DISP1: variants seen among roughly 807,000 people sequenced by gnomAD.
The protein encoded by DISP1 is dispatched RND transporter family member 1, also known as protein dispatched homolog 1.
In DISP1, 30 loss-of-function variants were observed where a neutral mutation model predicts 37.3. The observed-to-expected ratio is 0.80, with a 90% CI of 0.60 to 1.09. The LOEUF (loss-of-function observed/expected upper bound fraction) is 1.09, where lower values mean the gene tolerates loss of function less well. DISP1 is among the 50% of genes least tolerant of loss of function. DISP1 has a pLI of 0.00. For missense variants in DISP1, 1,598 were observed against 1,879.5 expected, an observed-to-expected ratio of 0.85 and a Z score of 2.77; for synonymous variants, 634 against 690.2, an observed-to-expected ratio of 0.92 and a Z score of 1.28.
intron 3 of DISP1, among the ~76,000 whole-genome samples, chr1:222,960,123 G>T (rs1230742790): frequency 3.3e-5 from 5 of 152,118 alleles, no homozygotes; most frequent in Non-Finnish European, 5.9e-5. Context: ...GGATCAAGTG[G>T]ACCTATAGAC....
At chr1:222,984,948 G>A (rs1678163048) in intron 4 of DISP1, among the ~76,000 whole-genome samples, 1 of 152,092 alleles carries the variant, frequency 6.6e-6, no homozygotes, top group South Asian at 2.1e-4. Context: ...GTTCATTCAT[G>A]TAGCATGTAT....
intron 1 of DISP1, 29 bp downstream of exon 1, chr1:222,815,107 A>T (rs1408142132): frequency 6.6e-6 from 1 of 152,026 alleles, no homozygotes; most frequent in African/African-American, 2.4e-5. Context: ...CGTTGCAGGC[A>T]CTTGTTTCCT....
chr1:222,916,318 G>C lies in DISP1; in HGVS notation c.-158-12112G>C, dbSNP rs181169354. 8.5e-5 allele frequency among the ~76,000 whole-genome samples: 13 copies of C among 152,262 alleles called. No individual in the cohort carries two copies. The East Asian group carries it at 2.5e-3, about 29-fold the overall frequency. On this transcript the variant is annotated intron_variant, in intron 1 of 8. Transcript: ENST00000675850. ...TTCTTGTGTTTACACTTCACAATAC[G>C]AACTGGAGCATTTGCTGATCCACAC...
chr1:222,895,856 TA>T (rs1394331269), intron 1 of DISP1, among the ~76,000 whole-genome samples: 1 of 152,186 alleles, frequency 6.6e-6, no homozygotes, highest in Non-Finnish European at 1.5e-5. Flanking sequence ...ATGAAACTTT[TA>T]GAAGAAAACA....
At chr1:222,952,398 T>C (rs1675286188) in intron 3 of DISP1, among the ~76,000 whole-genome samples, 1 of 152,218 alleles carries the variant, frequency 6.6e-6, no homozygotes, top group Non-Finnish European at 1.5e-5. Flanking sequence ...CTTTTCAATG[T>C]CCATGGCAGC....
In DISP1 at chr1:222,942,839, G is replaced by A. The variant is rs773172344; in HGVS notation, c.16G>A (p.Gly6Arg). 2 of 1,614,108 alleles carry A rather than the reference G, an allele frequency of 1.2e-6. No individual in the cohort carries two copies. Among genetic ancestry groups the A allele is most frequent in the Non-Finnish European group, 1.7e-6 (2 of 1,180,012 alleles). ...AAATTGGAGCATGGCTATGAGCAAT[G>A]GAAACAATGATTTTGTGGTTCTGAG... MAMSN[G>R]NNDFVVLSNS... The change falls in exon 3 of 9, where the codon GGA (glycine) becomes AGA (arginine). Residue 6 changes from glycine (G) to arginine (R), a missense_variant. Coordinates refer to ENST00000675850, the MANE Select transcript of DISP1 (RefSeq NM_001377229.1).
chr1:222,847,532 A>G (rs1667982071), intron 1 of DISP1, among the ~76,000 whole-genome samples: 1 of 152,238 alleles, frequency 6.6e-6, no homozygotes, highest in African/African-American at 2.4e-5. Flanking sequence ...TATTTTCTAT[A>G]TCAAACCATC....
chr1:222,966,179 A>T (rs1432544440), intron 3 of DISP1, among the ~76,000 whole-genome samples: 1 of 152,232 alleles, frequency 6.6e-6, no homozygotes, highest in African/African-American at 2.4e-5. Flanking sequence ...TTAAGTAAGT[A>T]TACCCACTTA....
chr1:222,888,640 G>T (rs1034476787), intron 1 of DISP1, among the ~76,000 whole-genome samples: 1 of 152,080 alleles, frequency 6.6e-6, no homozygotes, highest in African/African-American at 2.4e-5. Flanking sequence ...GTACATTGAA[G>T]ATAAAAAGCA....
chr1:222,953,484 T>G (rs1033521781), intron 3 of DISP1, among the ~76,000 whole-genome samples: 1 of 152,204 alleles, frequency 6.6e-6, no homozygotes, highest in Non-Finnish European at 1.5e-5. Flanking sequence ...GTCACTCATT[T>G]GCCTTCCGGA....
chr1:222,897,478 A>G (rs1244935155), intron 1 of DISP1, among the ~76,000 whole-genome samples: 1 of 152,224 alleles, frequency 6.6e-6, no homozygotes, highest in Non-Finnish European at 1.5e-5. Context: ...TATAAATTAT[A>G]CCTCAAAGTT....
intron 2 of DISP1, among the ~76,000 whole-genome samples, chr1:222,941,327 TA>T (rs1454018152): frequency 6.6e-6 from 1 of 152,204 alleles, no homozygotes; most frequent in African/African-American, 2.4e-5. Flanking sequence ...CTGTATTTAC[TA>T]CAGTTCAGAA....
At chr1:222,900,437 A>G (rs1438538719) in intron 1 of DISP1, among the ~76,000 whole-genome samples, 3 of 152,170 alleles carry the variant, frequency 2.0e-5, no homozygotes, top group Non-Finnish European at 4.4e-5. Flanking sequence ...AAAAAAGAAA[A>G]TCCAGTTGAT....
At chr1:222,887,490 T>TTG (rs1553323070) in intron 1 of DISP1, among the ~76,000 whole-genome samples, 3 of 107,294 alleles carry the variant, frequency 2.8e-5, no homozygotes, top group East Asian at 4.7e-4. Flanking sequence ...GTTTTTGTTT[T>TTG]TTTTTTTTTT....
chr1:222,968,438 A>T (rs996962904), intron 3 of DISP1, among the ~76,000 whole-genome samples: 10 of 152,040 alleles, frequency 6.6e-5, no homozygotes, highest in Non-Finnish European at 1.2e-4. Context: ...GTTCATCCCC[A>T]CTGTTAATTA....
At position 222,982,984 on chromosome 1, in the gene DISP1, T is replaced by C; in HGVS notation, c.510-96T>C. ...AAGATTCTTTGTAAGAGATAACAAG[T>C]AAAATGTTCAACACATATGTAAAGC... On this transcript the variant is annotated intron_variant, in intron 3 of 8. Coordinates refer to ENST00000675850, the MANE Select transcript of DISP1 (RefSeq NM_001377229.1). 3.3e-6 allele frequency: 3 copies of C among 914,234 alleles called. 1 individual carries two copies. The South Asian group carries it at 4.4e-5, about 14-fold the overall frequency. 56.6% of individuals were successfully genotyped at this position (914,234 alleles called of 1,614,324 possible).
At chr1:222,847,517 A>G (rs1018959987) in intron 1 of DISP1, among the ~76,000 whole-genome samples, 3 of 152,230 alleles carry the variant, frequency 2.0e-5, no homozygotes, top group African/African-American at 7.2e-5. Context: ...ACATATATCC[A>G]TATTTATTTT....
chr1:222,864,156 C>G (rs1394541362), intron 1 of DISP1, among the ~76,000 whole-genome samples: 1 of 152,152 alleles, frequency 6.6e-6, no homozygotes, highest in Non-Finnish European at 1.5e-5. Context: ...ATCCAGCACT[C>G]CAGGGTTCAT....
At position 222,886,134 on chromosome 1, in the gene DISP1, C is replaced by T. The variant is rs146860612; in HGVS notation, c.-158-42296C>T. Among the ~76,000 whole-genome samples the T allele has an allele frequency of 2.6e-3, 394 of 152,276 alleles. 1 individual carries two copies. The highest frequency in any genetic ancestry group is 9.1e-3 in the African/African-American group (377 of 41,556). On this transcript the variant is annotated intron_variant, in intron 1 of 8. Transcript: ENST00000675850. ...TGAGGGAAAAGACCTTTCAGCGACA[C>T]GTTTCCAACTCAGATAATGGAGCTC... is the stretch of plus-strand genomic sequence containing the variant.
Sources: gnomAD v4.1 joint callset for allele counts (sites outside exome capture counted in the v4.1 genomes callset) on GRCh38, gnomAD v4.1.1 for gene constraint, MANE v1.5 for transcripts, NCBI Gene and HGNC (gene_info 2026-07-23, HGNC 2026-07-21) for gene names.